Variants in ADCK1 observed in about 807,000 individuals in gnomAD.
The protein encoded by ADCK1 is aarF domain-containing protein kinase 1.
Under a neutral mutation model 52.3 loss-of-function variants are expected in ADCK1, and 41 were observed. That is an observed-to-expected ratio of 0.78 (90% CI 0.61 to 1.02). The LOEUF (loss-of-function observed/expected upper bound fraction) is 1.02. Ranked by LOEUF, ADCK1 falls within the 50% of genes least tolerant of loss-of-function variation. ADCK1 has a pLI of 0.00. For synonymous variants in ADCK1, 250 were observed against 274.6 expected, an observed-to-expected ratio of 0.91 and a Z score of 0.89; for missense variants, 658 against 679.5, an observed-to-expected ratio of 0.97 and a Z score of 0.35.
chr14:77,849,888 A>G (rs1051853266), intron 3 of ADCK1, among the ~76,000 whole-genome samples: 5 of 152,128 alleles, frequency 3.3e-5, no homozygotes, highest in Admixed American at 6.6e-5. Flanking sequence ...ATGACTCAGA[A>G]TGTGGTCTGT....
At chr14:77,803,066 G>A (rs1423457997) in intron 1 of ADCK1, among the ~76,000 whole-genome samples, 1 of 152,174 alleles carries the variant, frequency 6.6e-6, no homozygotes, top group African/African-American at 2.4e-5. Context: ...TTGACTTGGT[G>A]TCTTTGGCAT....
chr14:77,932,340 T>C (rs1235472033), intron 10 of ADCK1, among the ~76,000 whole-genome samples: 1 of 152,328 alleles, frequency 6.6e-6, no homozygotes, highest in East Asian at 1.9e-4. Context: ...TGAGCCACCA[T>C]GTCCAACCTC....
intron 3 of ADCK1, among the ~76,000 whole-genome samples, chr14:77,844,555 G>A (rs967246719): frequency 5.9e-5 from 9 of 152,126 alleles, no homozygotes; most frequent in Admixed American, 2.0e-4. Flanking sequence ...GTGGGGAGCC[G>A]GCCCCGTCAG....
intron 1 of ADCK1, among the ~76,000 whole-genome samples, chr14:77,814,433 A>AC (rs1465155591): frequency 4.7e-5 from 7 of 150,280 alleles, no homozygotes; most frequent in Non-Finnish European, 1.0e-4. Context: ...ACTGAAAAAA[A>AC]AAACAAAAAA....
intron 3 of ADCK1, among the ~76,000 whole-genome samples, chr14:77,828,790 G>A (rs2081775494): frequency 6.6e-6 from 1 of 152,206 alleles, no homozygotes; most frequent in African/African-American, 2.4e-5. Flanking sequence ...GCCTCCCAAA[G>A]TGTTGGGATT....
chr14:77,822,546 C>T (rs757962697), intron 3 of ADCK1, 28 bp downstream of exon 3: 18 of 1,573,282 alleles, frequency 1.1e-5, no homozygotes, highest in Admixed American at 1.7e-5. Context: ...CCCATCTGAG[C>T]CAGGCCAGGA....
rs1192603611 is a variant in ADCK1 at position 77,829,287 on chromosome 14, A to G, written c.219+6769A>G. On this transcript the variant is annotated intron_variant, in intron 3 of 10. Coordinates refer to ENST00000238561, the MANE Select transcript of ADCK1 (RefSeq NM_020421.4). Reference sequence around the variant, plus strand: ...CACACACTTCTGTCTTTCTACTAAAAAACTAAGATTTTTTTTTTTTTTGAG... The same window carrying G: ...CACACACTTCTGTCTTTCTACTAAAGAACTAAGATTTTTTTTTTTTTTGAG... Among the ~76,000 whole-genome samples the G allele has an allele frequency of 2.2e-4, 25 of 113,798 alleles. 2 individuals carry two copies. In the Admixed American group the frequency reaches 2.6e-3, roughly 12 times the overall value. 74.7% of individuals were successfully genotyped at this position (113,798 alleles called of 152,430 possible). A position where few individuals can be genotyped will look rare whatever the true frequency, so the allele number is the denominator to read the frequency against.
At chr14:77,872,508 G>C (rs547863420) in intron 4 of ADCK1, among the ~76,000 whole-genome samples, 2 of 152,078 alleles carry the variant, frequency 1.3e-5, no homozygotes, top group Admixed American at 1.3e-4. Context: ...AGGGAAGTGG[G>C]GTGTTAGGCT....
intron 4 of ADCK1, among the ~76,000 whole-genome samples, chr14:77,867,460 A>G (rs2082685394): frequency 6.6e-6 from 1 of 152,260 alleles, no homozygotes; most frequent in Non-Finnish European, 1.5e-5. Flanking sequence ...AACATAATGA[A>G]GAATAAAAAA....
chr14:77,879,978 A>G (rs976385122), intron 4 of ADCK1, among the ~76,000 whole-genome samples: 2 of 152,190 alleles, frequency 1.3e-5, no homozygotes, highest in African/African-American at 4.8e-5. Flanking sequence ...TAAAATAACC[A>G]TTTTACAGAT....
At chr14:77,899,002 A>T in intron 5 of ADCK1, 98 bp from the exon 6 acceptor site, 1 of 1,501,056 alleles carries the variant, frequency 6.7e-7, no homozygotes, top group Non-Finnish European at 9.0e-7. Flanking sequence ...CCAGGGGAGC[A>T]GTTTCCCTTA....
At chr14:77,806,514 A>T (rs1442604006) in intron 1 of ADCK1, among the ~76,000 whole-genome samples, 2 of 152,010 alleles carry the variant, frequency 1.3e-5, no homozygotes, top group African/African-American at 4.8e-5. Context: ...CTCCAGAGAG[A>T]TCTAGCTCTG....
rs567714171 is a variant in ADCK1, at chr14:77,912,084, G to T, written c.858+4165G>T. Reference sequence around the variant, plus strand: ...AACTTCACATAAATGGAATCATACAGTTTTGGGATCTGACGTCTTTGTCAT... The same window carrying T: ...AACTTCACATAAATGGAATCATACATTTTTGGGATCTGACGTCTTTGTCAT... On this transcript the variant is annotated intron_variant, in intron 7 of 10. Coordinates refer to ENST00000238561, the MANE Select transcript of ADCK1 (RefSeq NM_020421.4). 5.3e-5 allele frequency among the ~76,000 whole-genome samples: 8 copies of T among 152,282 alleles called. No homozygotes were observed. In the East Asian group the frequency reaches 1.5e-3, roughly 29 times the overall value.
At chr14:77,899,963 G>A (rs1189303140) in intron 6 of ADCK1, among the ~76,000 whole-genome samples, 3 of 151,968 alleles carry the variant, frequency 2.0e-5, no homozygotes, top group Non-Finnish European at 4.4e-5. Flanking sequence ...TCAGCTGTTT[G>A]GGAGGCTGAA....
At chr14:77,852,452 T>C (rs1455074809) in intron 3 of ADCK1, among the ~76,000 whole-genome samples, 2 of 152,016 alleles carry the variant, frequency 1.3e-5, no homozygotes, top group Admixed American at 6.6e-5. Context: ...TCTGCTCATA[T>C]TGTTTCCAGT....
Position 77,819,016 on chromosome 14 carries a change from G to T in ADCK1, c.38G>T (p.Ser13Ile). Residue 13 changes from serine (S) to isoleucine (I), a missense_variant, in exon 2 of 11, where the codon AGC becomes ATC. By Grantham distance (142) the Ser-to-Ile change is moderately radical. Transcript: ENST00000238561. ...RKALKLASWT[S>I]MALAASGIYF... ...GCTCTCAAGCTTGCTTCGTGGACCAGCATGGCTCTTGCTGCCTCTGGCATC... is the reference window on the plus strand; with the variant it reads ...GCTCTCAAGCTTGCTTCGTGGACCATCATGGCTCTTGCTGCCTCTGGCATC... 6.2e-7 allele frequency: 1 copy of T among 1,614,208 alleles called. No homozygotes were observed. Among genetic ancestry groups the T allele is most frequent in the Non-Finnish European group, 8.5e-7 (1 of 1,180,032 alleles).
At position 77,852,675 on chromosome 14, in the gene ADCK1, A is replaced by ATTTATATATATATATATATAT. The variant is rs1400469309; in HGVS notation, c.220-6400_220-6399insTTATATATATATATATATATT. ...TAAATAAATAAATATATATATATAT[A>ATTTATATATATATATATATAT]TATATATATATATATATATATATAT... On this transcript the variant is annotated intron_variant, in intron 3 of 10. Coordinates refer to ENST00000238561, the MANE Select transcript of ADCK1 (RefSeq NM_020421.4). 6.2e-4 allele frequency among the ~76,000 whole-genome samples: 26 copies of ATTTATATATATATATATATAT among 42,124 alleles called. 1 individual carries two copies. In the South Asian group the frequency reaches 9.1e-3, roughly 15 times the overall value. The allele number at this position is 42,124 out of a possible 152,430, so 27.6% of individuals were successfully genotyped here.
chr14:77,823,984 C>T (rs1182257183), intron 3 of ADCK1, among the ~76,000 whole-genome samples: 1 of 152,066 alleles, frequency 6.6e-6, no homozygotes, highest in Non-Finnish European at 1.5e-5. Flanking sequence ...CTGCAACCTC[C>T]ATCTCCCAGG....
intron 6 of ADCK1, among the ~76,000 whole-genome samples, chr14:77,903,813 T>A (rs2083600535): frequency 6.6e-6 from 1 of 152,172 alleles, no homozygotes; most frequent in African/African-American, 2.4e-5. Flanking sequence ...TTGGGAAGTA[T>A]GATAACTTCC....
Sources: allele counts gnomAD v4.1 joint callset (sites outside exome capture counted in the v4.1 genomes callset), GRCh38; gene constraint gnomAD v4.1.1; transcripts MANE v1.5; gene names NCBI Gene and HGNC (gene_info 2026-07-23, HGNC 2026-07-21).